Variants in DNAJC3 observed in about 807,000 individuals in gnomAD.
DNAJC3 encodes the protein DnaJ heat shock protein family (Hsp40) member C3.
Under a neutral mutation model 68.6 loss-of-function variants are expected in DNAJC3, and 38 were observed. That is an observed-to-expected ratio of 0.55 (90% CI 0.43 to 0.73). DNAJC3 has a LOEUF of 0.73. Among genes scored for constraint, DNAJC3 ranks in the 30% least tolerant of loss-of-function variants. The pLI, the probability that DNAJC3 is intolerant of heterozygous loss-of-function variation, is 0.00. For synonymous variants in DNAJC3, 203 were observed against 204.0 expected (o/e 1.00, Z 0.04); for missense variants, 526 against 591.9 (o/e 0.89, Z 1.16).
intron 9 of DNAJC3, among the ~76,000 whole-genome samples, chr13:95,781,125 G>A (rs1320170167): frequency 6.6e-6 from 1 of 152,116 alleles, no homozygotes; most frequent in Non-Finnish European, 1.5e-5. Context: ...TCAGTAAAAT[G>A]ATCTATTTAA....
intron 4 of DNAJC3, among the ~76,000 whole-genome samples, chr13:95,749,321 C>T (rs1204013931): frequency 1.3e-5 from 2 of 152,184 alleles, no homozygotes; most frequent in Non-Finnish European, 2.9e-5. Context: ...TATGATCATG[C>T]TGACTGGCTG....
intron 2 of DNAJC3, among the ~76,000 whole-genome samples, chr13:95,722,230 C>A (rs1006986016): frequency 2.0e-5 from 3 of 152,202 alleles, no homozygotes; most frequent in African/African-American, 7.2e-5. Context: ...CAAATGTTAA[C>A]TTCTCTAGCC....
At chr13:95,760,322 G>A (rs1166853482) in intron 6 of DNAJC3, 101 bp downstream of exon 6, 1 of 1,074,696 alleles carries the variant, frequency 9.3e-7, no homozygotes, top group Middle Eastern at 2.7e-4. Context: ...TAAGATGATG[G>A]TAGTTAAGGC....
intron 1 of DNAJC3, among the ~76,000 whole-genome samples, chr13:95,700,570 C>T (rs1880557537): frequency 6.6e-6 from 1 of 152,146 alleles, no homozygotes; most frequent in Non-Finnish European, 1.5e-5. Context: ...GAGAAAGCTA[C>T]TGTGTTTAGA....
intron 9 of DNAJC3, among the ~76,000 whole-genome samples, chr13:95,777,377 A>G (rs1883320826): frequency 6.6e-6 from 1 of 152,112 alleles, no homozygotes; most frequent in South Asian, 2.1e-4. Flanking sequence ...CACCCAGTGC[A>G]CCTTTTCAGT....
intron 9 of DNAJC3, among the ~76,000 whole-genome samples, chr13:95,773,808 C>T (rs1327015322): frequency 7.4e-6 from 1 of 135,234 alleles, no homozygotes; most frequent in African/African-American, 2.8e-5. Context: ...GCGATCTTAG[C>T]TCACTGCAAC....
At position 95,760,203 on chromosome 13, in the gene DNAJC3, A is replaced by G. The variant is rs1882781032; in HGVS notation, c.710A>G (p.Asp237Gly). The stretch of plus-strand genomic sequence containing the variant: ...AGCACACTGTACTACCAACTAGGAG[A>G]CCACGAACTGTCCCTCAGGTCAGTT... The part of the protein sequence containing the change: ...KISTLYYQLG[D>G]HELSLSEVRE... Residue 237 changes from aspartate (D) to glycine (G), a missense_variant, in exon 6 of 12, where the codon GAC becomes GGC. Coordinates refer to ENST00000602402, the MANE Select transcript of DNAJC3 (RefSeq NM_006260.5). The G allele has an allele frequency of 3.1e-6, 5 of 1,593,420 alleles. No homozygotes were observed. The highest frequency in any genetic ancestry group is 3.4e-6 in the Non-Finnish European group (4 of 1,169,830).
At chr13:95,778,054 GC>G (rs1883336425) in intron 9 of DNAJC3, among the ~76,000 whole-genome samples, 1 of 152,138 alleles carries the variant, frequency 6.6e-6, no homozygotes, top group East Asian at 1.9e-4. Context: ...GCATGCTTTT[GC>G]TCAAGGGTTG....
intron 1 of DNAJC3, among the ~76,000 whole-genome samples, chr13:95,687,296 T>TA (rs146507848): frequency 3.3e-5 from 5 of 152,274 alleles, no homozygotes; most frequent in Admixed American, 6.5e-5. Context: ...GTTTTCTAGG[T>TA]AAAAAAATCA....
At position 95,786,023 on chromosome 13, in the gene DNAJC3, TG is replaced by T; in HGVS notation, c.1161del (p.Lys388AsnfsTer14). ...REGLEKAQRL[L>X]KQSQKRDYYK... ...GGTCTAGAGAAAGCACAAAGATTAT[TG>T]AAACAGTCGCAGAAACGAGATTATT... On this transcript the variant is annotated frameshift_variant, in exon 10 of 12. Coordinates refer to ENST00000602402, the MANE Select transcript of DNAJC3 (RefSeq NM_006260.5). LOFTEE classifies it high-confidence loss of function. 6.2e-7 allele frequency: 1 copy of T among 1,611,468 alleles called. No individual in the cohort carries two copies. The highest frequency in any genetic ancestry group is 8.5e-7 in the Non-Finnish European group (1 of 1,179,040).
At chr13:95,725,929 G>T (rs565475431) in intron 4 of DNAJC3, among the ~76,000 whole-genome samples, 6 of 149,444 alleles carry the variant, frequency 4.0e-5, no homozygotes, top group African/African-American at 1.2e-4. Context: ...GCGGTGTTTG[G>T]TTTTTTGTCC....
chr13:95,734,514 G>C (rs959327573), intron 4 of DNAJC3, among the ~76,000 whole-genome samples: 6 of 152,158 alleles, frequency 3.9e-5, no homozygotes, highest in Admixed American at 2.0e-4. Context: ...TTTTTGAACT[G>C]TATCTATTTT....
At chr13:95,715,035 G>T (rs1881092559) in intron 2 of DNAJC3, among the ~76,000 whole-genome samples, 1 of 152,064 alleles carries the variant, frequency 6.6e-6, no homozygotes, top group Non-Finnish European at 1.5e-5. Flanking sequence ...GCTGAAACAT[G>T]GCAATTTATT....
intron 1 of DNAJC3, among the ~76,000 whole-genome samples, chr13:95,683,595 C>T (rs1050679583): frequency 1.3e-5 from 2 of 152,152 alleles, no homozygotes; most frequent in African/African-American, 4.8e-5. Flanking sequence ...GTACAACCTA[C>T]AGAACCGTCA....
At chr13:95,740,673 C>T (rs979996487) in intron 4 of DNAJC3, among the ~76,000 whole-genome samples, 4 of 152,282 alleles carry the variant, frequency 2.6e-5, no homozygotes, top group East Asian at 1.9e-4. Flanking sequence ...CTTCGGCTCG[C>T]GCACGGTGCA....
rs1386030037 is a variant in DNAJC3, at chr13:95,792,853, C to G, written c.*1823C>G. 6.6e-6 allele frequency: 1 copy of G among 152,174 alleles called. No homozygotes were observed. The highest frequency in any genetic ancestry group is 2.4e-5 in the African/African-American group (1 of 41,448). 9.4% of individuals were successfully genotyped at this position (152,174 alleles called of 1,614,324 possible). A position where few individuals can be genotyped will look rare whatever the true frequency, so the allele number is the denominator to read the frequency against. ...CTGGTTCCTTTTGTATATGATGTCA[C>G]TGTGACCTCTTTGAAATATAGTGAT... On this transcript the variant is annotated 3_prime_UTR_variant, in exon 12 of 12. Coordinates refer to ENST00000602402, the MANE Select transcript of DNAJC3 (RefSeq NM_006260.5).
At chr13:95,736,062 C>G (rs1881906311) in intron 4 of DNAJC3, among the ~76,000 whole-genome samples, 1 of 152,026 alleles carries the variant, frequency 6.6e-6, no homozygotes, top group African/African-American at 2.4e-5. Context: ...TTCCCAGCAC[C>G]ATTTATTGAA....
At chr13:95,779,163 C>T (rs1283833490) in intron 9 of DNAJC3, among the ~76,000 whole-genome samples, 3 of 132,964 alleles carry the variant, frequency 2.3e-5, no homozygotes, top group East Asian at 4.2e-4. Flanking sequence ...CTCACTCTGT[C>T]GCCCAGGCTG....
chr13:95,743,887 C>T (rs970561059), intron 4 of DNAJC3, among the ~76,000 whole-genome samples: 7 of 152,134 alleles, frequency 4.6e-5, no homozygotes, highest in African/African-American at 1.7e-4. Context: ...AGTAGTTATC[C>T]TTAATATTGG....
Sources: allele counts gnomAD v4.1 joint callset (sites outside exome capture counted in the v4.1 genomes callset), GRCh38; gene constraint gnomAD v4.1.1; transcripts MANE v1.5; gene names NCBI Gene and HGNC (gene_info 2026-07-23, HGNC 2026-07-21).